Variants in LRRTM4 observed in about 807,000 individuals in gnomAD.
LRRTM4 encodes the protein leucine rich repeat transmembrane neuronal 4.
LRRTM4 carries 25 observed loss-of-function variants against 47.6 expected under a neutral mutation model. The observed-to-expected ratio is 0.53, with a 90% CI of 0.38 to 0.73. The LOEUF is 0.73. Ranked by LOEUF, LRRTM4 falls within the 30% of genes least tolerant of loss-of-function variation. The probability of loss-of-function intolerance (pLI) is 0.00; values close to 1 mark genes in which losing one functional copy is unlikely to be tolerated. For missense variants in LRRTM4, 638 were observed against 713.4 expected (o/e 0.89, Z 1.20); for synonymous variants, 311 against 269.5 (o/e 1.15, Z -1.51).
intron 3 of LRRTM4, among the ~76,000 whole-genome samples, chr2:76,936,576 A>G (rs1573337271): frequency 6.9e-6 from 1 of 145,536 alleles, no homozygotes; most frequent in African/African-American, 2.7e-5. Context: ...CTCAGAAATT[A>G]AAGTATAATA....
intron 3 of LRRTM4, among the ~76,000 whole-genome samples, chr2:77,457,147 T>C (rs1428121265): frequency 2.0e-5 from 3 of 150,714 alleles, no homozygotes; most frequent in African/African-American, 7.3e-5. Flanking sequence ...ATAGGCTAAT[T>C]AATTTTAAAA....
chr2:76,783,082 G>T (rs1471940830), intron 3 of LRRTM4, among the ~76,000 whole-genome samples: 1 of 152,048 alleles, frequency 6.6e-6, no homozygotes, highest in African/African-American at 2.4e-5. Context: ...TGCAGTACAA[G>T]AATATTCAGA....
chr2:77,178,746 AT>A (rs138774935), intron 3 of LRRTM4, among the ~76,000 whole-genome samples: 2 of 152,296 alleles, frequency 1.3e-5, no homozygotes, highest in East Asian at 1.9e-4. Context: ...TTGCAAACAC[AT>A]TTTGGCATTG....
intron 3 of LRRTM4, among the ~76,000 whole-genome samples, chr2:77,279,946 G>C (rs1676464077): frequency 6.6e-6 from 1 of 151,980 alleles, no homozygotes; most frequent in Admixed American, 6.6e-5. Context: ...GAATGTGGTA[G>C]ATAGAATAAT....
intron 3 of LRRTM4, among the ~76,000 whole-genome samples, chr2:77,294,202 C>T (rs1056092991): frequency 3.3e-5 from 5 of 151,892 alleles, no homozygotes; most frequent in Non-Finnish European, 4.4e-5. Flanking sequence ...TCAGATGGCA[C>T]GCAGTATATT....
At chr2:76,891,714 T>A (rs1673260729) in intron 3 of LRRTM4, among the ~76,000 whole-genome samples, 1 of 151,528 alleles carries the variant, frequency 6.6e-6, no homozygotes, top group Admixed American at 6.6e-5. Context: ...TAGAATAAAC[T>A]CCAAATGAAA....
intron 3 of LRRTM4, among the ~76,000 whole-genome samples, chr2:77,072,462 A>G (rs1006942318): frequency 6.6e-6 from 1 of 152,196 alleles, no homozygotes; most frequent in Non-Finnish European, 1.5e-5. Flanking sequence ...TTTAGAGCAT[A>G]TAATTAATTG....
intron 3 of LRRTM4, among the ~76,000 whole-genome samples, chr2:77,428,712 C>A (rs1573401129): frequency 6.6e-6 from 1 of 152,290 alleles, no homozygotes; most frequent in South Asian, 2.1e-4. Flanking sequence ...TAAGGCCATT[C>A]ATTAACGGAA....
intron 3 of LRRTM4, among the ~76,000 whole-genome samples, chr2:77,306,020 T>A (rs367584718): frequency 6.6e-6 from 1 of 152,278 alleles, no homozygotes; most frequent in East Asian, 1.9e-4. Context: ...CACATGTCCA[T>A]GTTTACATCT....
At chr2:77,161,883 G>A (rs987458392) in intron 3 of LRRTM4, among the ~76,000 whole-genome samples, 2 of 152,044 alleles carry the variant, frequency 1.3e-5, no homozygotes, top group African/African-American at 4.8e-5. Flanking sequence ...GCAATTAGTT[G>A]ACCAATTAAG....
chr2:77,446,565 T>C (rs549253452), intron 3 of LRRTM4, among the ~76,000 whole-genome samples: 1 of 152,222 alleles, frequency 6.6e-6, no homozygotes, highest in South Asian at 2.1e-4. Context: ...TAGCCCTTTG[T>C]GGGGCCTAAT....
intron 3 of LRRTM4, among the ~76,000 whole-genome samples, chr2:77,387,972 C>T (rs1206758479): frequency 1.3e-5 from 2 of 151,806 alleles, no homozygotes; most frequent in African/African-American, 4.8e-5. Flanking sequence ...TTACACATGA[C>T]GGGATAACAT....
At chr2:76,825,530 G>A (rs1198939828) in intron 3 of LRRTM4, among the ~76,000 whole-genome samples, 1 of 151,668 alleles carries the variant, frequency 6.6e-6, no homozygotes, top group Non-Finnish European at 1.5e-5. Flanking sequence ...AAGCAGATGC[G>A]GAAGTGAGGA....
At chr2:77,404,930 T>A (rs1674122474) in intron 3 of LRRTM4, among the ~76,000 whole-genome samples, 1 of 152,112 alleles carries the variant, frequency 6.6e-6, no homozygotes, top group African/African-American at 2.4e-5. Flanking sequence ...GCATCTGTAA[T>A]TTAATGTTTC....
intron 3 of LRRTM4, among the ~76,000 whole-genome samples, chr2:76,850,657 C>T (rs763929801): frequency 6.6e-6 from 1 of 152,148 alleles, no homozygotes; most frequent in Non-Finnish European, 1.5e-5. Flanking sequence ...CTGTCACTGT[C>T]CTTTCCCCAC....
At chr2:76,870,450 TG>T (rs548247624) in intron 3 of LRRTM4, among the ~76,000 whole-genome samples, 1 of 151,862 alleles carries the variant, frequency 6.6e-6, no homozygotes, top group Non-Finnish European at 1.5e-5. Context: ...GCTGAAATAC[TG>T]GGGGAAAAAA....
intron 3 of LRRTM4, among the ~76,000 whole-genome samples, chr2:76,752,233 A>G (rs1672874542): frequency 6.6e-6 from 1 of 152,182 alleles, no homozygotes; most frequent in Admixed American, 6.5e-5. Context: ...ATAAGTGAAC[A>G]TTGTTGAATT....
chr2:77,200,347 G>A (rs1414470810), intron 3 of LRRTM4, among the ~76,000 whole-genome samples: 1 of 151,994 alleles, frequency 6.6e-6, no homozygotes, highest in Non-Finnish European at 1.5e-5. Context: ...TTTTTCTGTA[G>A]CCTGATATAG....
chr2:76,856,114 T>C (rs1403425025), intron 3 of LRRTM4, among the ~76,000 whole-genome samples: 1 of 151,946 alleles, frequency 6.6e-6, no homozygotes, highest in Non-Finnish European at 1.5e-5. Flanking sequence ...CCATCTCTAC[T>C]AAAACTACAA....
Sources: gnomAD v4.1 joint callset for allele counts (sites outside exome capture counted in the v4.1 genomes callset) on GRCh38, gnomAD v4.1.1 for gene constraint, MANE v1.5 for transcripts, NCBI Gene and HGNC (gene_info 2026-07-23, HGNC 2026-07-21) for gene names.